The following PHKB variants were observed in gnomAD, a reference collection of about 807,000 sequenced individuals.
PHKB encodes the protein phosphorylase b kinase regulatory subunit beta.
In PHKB, 122 loss-of-function variants were observed where a neutral mutation model predicts 152.1. The observed-to-expected ratio is 0.80, with a 90% CI of 0.69 to 0.93. The LOEUF is 0.93. Ranked by LOEUF, PHKB falls within the 40% of genes least tolerant of loss-of-function variation. The pLI is 0.00. For synonymous variants in PHKB, 436 were observed against 464.9 expected, an observed-to-expected ratio of 0.94 and a Z score of 0.80; for missense variants, 1,304 against 1,328.4, an observed-to-expected ratio of 0.98 and a Z score of 0.29.
intron 10 of PHKB, chr16:47,590,832 G>C (rs1282111180): frequency 6.6e-6 from 1 of 152,206 alleles, no homozygotes; most frequent in African/African-American, 2.4e-5. Flanking sequence ...CCTGCTATCT[G>C]ACTCTGCCAG....
intron 6 of PHKB, among the ~76,000 whole-genome samples, chr16:47,521,420 G>A (rs1327330807): frequency 1.3e-5 from 2 of 152,212 alleles, no homozygotes; most frequent in Non-Finnish European, 2.9e-5. Context: ...TAGGGAAGCC[G>A]AGGCAGGTGG....
chr16:47,504,745 A>C (rs561368649), intron 4 of PHKB, among the ~76,000 whole-genome samples: 1 of 152,348 alleles, frequency 6.6e-6, no homozygotes, highest in South Asian at 2.1e-4. Flanking sequence ...GAAATAACTC[A>C]TGTGAGTGAG....
At position 47,514,816 on chromosome 16, in the gene PHKB, T is replaced by C. The variant is rs978088774; in HGVS notation, c.514-705T>C. On this transcript the variant is annotated intron_variant, in intron 5 of 30. Coordinates refer to ENST00000323584, the MANE Select transcript of PHKB (RefSeq NM_000293.3). ...TCAGGATTCTGTGAGTATCCTTTTT[T>C]GTTAAAGTGATATTAGTATTTTTTT... Among the ~76,000 whole-genome samples, 13 of 152,366 alleles carry C rather than the reference T, an allele frequency of 8.5e-5. No individual in the cohort carries two copies. The East Asian group carries it at 2.5e-3, about 29-fold the overall frequency.
chr16:47,690,760 A>G (rs2142103858), intron 27 of PHKB, among the ~76,000 whole-genome samples: 1 of 152,328 alleles, frequency 6.6e-6, no homozygotes, highest in East Asian at 1.9e-4. Flanking sequence ...GGAGAGTTTC[A>G]TCATTCCAAT....
chr16:47,529,350 T>A (rs1970821352), intron 6 of PHKB: 1 of 150,112 alleles, frequency 6.7e-6, no homozygotes, highest in Non-Finnish European at 1.5e-5. Flanking sequence ...AAATAATTTT[T>A]TTTTTTTTTT....
chr16:47,682,678 C>G (rs1288197319), intron 26 of PHKB, among the ~76,000 whole-genome samples: 1 of 152,112 alleles, frequency 6.6e-6, no homozygotes. Context: ...TCTTTTTTCA[C>G]AGTTTTTAAC....
At chr16:47,648,793 T>C (rs889859550) in intron 17 of PHKB, among the ~76,000 whole-genome samples, 177 bp downstream of exon 17, 3 of 152,212 alleles carry the variant, frequency 2.0e-5, no homozygotes, top group African/African-American at 7.2e-5. Flanking sequence ...GGAAGTCTTA[T>C]AAATATGAAG....
At chr16:47,671,391 AT>A (rs757177571) in intron 26 of PHKB, among the ~76,000 whole-genome samples, 136 of 152,316 alleles carry the variant, frequency 8.9e-4, no homozygotes, top group Non-Finnish European at 1.6e-3. Context: ...GTACAGTAGT[AT>A]TAACTATATA....
chr16:47,474,047 A>G (rs973459793), intron 1 of PHKB, among the ~76,000 whole-genome samples: 3 of 152,148 alleles, frequency 2.0e-5, no homozygotes, highest in Admixed American at 6.5e-5. Flanking sequence ...TGTCATTTTT[A>G]TAGGTTCTGA....
chr16:47,628,964 A>G (rs948311503), intron 14 of PHKB, among the ~76,000 whole-genome samples: 21 of 152,218 alleles, frequency 1.4e-4, no homozygotes, highest in Non-Finnish European at 2.9e-5. Context: ...AAAACTGGCT[A>G]GCCATATGTA....
At position 47,565,526 on chromosome 16, in the gene PHKB, T is replaced by C. The variant is rs116913401; in HGVS notation, c.711-14769T>C. 4.4e-3 allele frequency: 5,443 copies of C among 1,243,190 alleles called. 117 individuals carry two copies. In the East Asian group the frequency reaches 0.067, roughly 15 times the overall value. 77.0% of individuals were successfully genotyped at this position (1,243,190 alleles called of 1,614,324 possible). On this transcript the variant is annotated intron_variant, in intron 7 of 30. Transcript: ENST00000323584. The stretch of plus-strand genomic sequence containing the variant: ...TTTAGGGGCTGATCAGGTTTGGGAG[T>C]TTTAGAAGTTGGAGAGTGACAGTCT...
intron 2 of PHKB, among the ~76,000 whole-genome samples, chr16:47,499,191 G>A (rs888143602): frequency 2.6e-5 from 4 of 152,124 alleles, no homozygotes; most frequent in African/African-American, 9.7e-5. Context: ...GTACAATAAA[G>A]TAAAATGAAT....
intron 26 of PHKB, chr16:47,676,093 T>C (rs1440941943): frequency 6.6e-6 from 1 of 152,254 alleles, no homozygotes; most frequent in Non-Finnish European, 1.5e-5. Flanking sequence ...TATGTTTCTT[T>C]ACAAATTTTA....
At chr16:47,506,424 TC>T (rs1357046505) in intron 4 of PHKB, among the ~76,000 whole-genome samples, 1 of 152,230 alleles carries the variant, frequency 6.6e-6, no homozygotes, top group Admixed American at 6.5e-5. Context: ...CAAAGGTTTT[TC>T]AGATGCTTGA....
At chr16:47,557,513 C>G (rs1971396552) in intron 7 of PHKB, among the ~76,000 whole-genome samples, 1 of 152,258 alleles carries the variant, frequency 6.6e-6, no homozygotes, top group South Asian at 2.1e-4. Context: ...CCAGAATCTA[C>G]AATGAACTCA....
At chr16:47,684,129 T>G (rs1454255970) in intron 26 of PHKB, among the ~76,000 whole-genome samples, 1 of 149,758 alleles carries the variant, frequency 6.7e-6, no homozygotes, top group Admixed American at 6.7e-5. Flanking sequence ...AGCCCAGGAG[T>G]TTGAGACCAG....
intron 13 of PHKB, among the ~76,000 whole-genome samples, chr16:47,596,975 G>T (rs978664593): frequency 1.1e-4 from 16 of 152,124 alleles, no homozygotes; most frequent in African/African-American, 3.9e-4. Context: ...TTAGTTGGAG[G>T]TTTAATAGGA....
chr16:47,649,039 A>G (rs1973186125), intron 17 of PHKB, 61 bp from the exon 18 acceptor site: 13 of 868,080 alleles, frequency 1.5e-5, no homozygotes, highest in Non-Finnish European at 2.2e-5. Flanking sequence ...GACTTACAGC[A>G]CTGCACCTTT....
chr16:47,540,931 G>A (rs959503708), intron 6 of PHKB, among the ~76,000 whole-genome samples: 9 of 148,788 alleles, frequency 6.0e-5, no homozygotes, highest in South Asian at 2.2e-4. Flanking sequence ...GTGTTCAAGC[G>A]ATTCTCCTGC....
Sources: gnomAD v4.1 joint callset for allele counts (sites outside exome capture counted in the v4.1 genomes callset) on GRCh38, gnomAD v4.1.1 for gene constraint, MANE v1.5 for transcripts, NCBI Gene and HGNC (gene_info 2026-07-23, HGNC 2026-07-21) for gene names.